EVI2B: variants seen among roughly 807,000 people sequenced by gnomAD.
The protein encoded by EVI2B is ecotropic viral integration site 2B, also known as protein EVI2B.
EVI2B carries 4 observed loss-of-function variants against 6.6 expected under a neutral mutation model. That is an observed-to-expected ratio of 0.61 (90% CI 0.30 to 1.39). The LOEUF (loss-of-function observed/expected upper bound fraction) is 1.39. EVI2B is among the 40% of genes most tolerant of loss of function. The probability of loss-of-function intolerance (pLI) is 0.08; values close to 1 mark genes in which losing one functional copy is unlikely to be tolerated. For missense variants in EVI2B, 484 were observed against 516.6 expected (o/e 0.94, Z 0.61); for synonymous variants, 181 against 186.8 (o/e 0.97, Z 0.25).
intron 1 of EVI2B, among the ~76,000 whole-genome samples, chr17:31,311,034 C>T (rs1400004771): frequency 6.6e-6 from 1 of 150,804 alleles, no homozygotes; most frequent in Non-Finnish European, 1.5e-5. Context: ...GCAGCCTCTG[C>T]CTCCTGGGCT....
chr17:31,312,380 G>A (rs1177908147), intron 1 of EVI2B, among the ~76,000 whole-genome samples: 1 of 151,834 alleles, frequency 6.6e-6, no homozygotes, highest in Non-Finnish European at 1.5e-5. Flanking sequence ...GCGTGGTGGT[G>A]GGTGCCTGTA....
At chr17:31,312,377 G>T (rs1476998869) in intron 1 of EVI2B, among the ~76,000 whole-genome samples, 1 of 152,000 alleles carries the variant, frequency 6.6e-6, no homozygotes, top group Non-Finnish European at 1.5e-5. Flanking sequence ...CAGGCGTGGT[G>T]GTGGGTGCCT....
intron 1 of EVI2B, among the ~76,000 whole-genome samples, chr17:31,308,278 C>G (rs889083524): frequency 1.9e-4 from 29 of 151,928 alleles, no homozygotes; most frequent in Non-Finnish European, 3.8e-4. Context: ...GCTGGGACTA[C>G]AGTAGGCATA....
intron 1 of EVI2B, among the ~76,000 whole-genome samples, chr17:31,312,235 C>T (rs557219991): frequency 9.2e-5 from 14 of 152,046 alleles, no homozygotes; most frequent in South Asian, 2.1e-4. Flanking sequence ...TGGGACCAGG[C>T]GCAGTGGTTC....
intron 1 of EVI2B, among the ~76,000 whole-genome samples, chr17:31,308,995 T>G (rs903873649): frequency 6.6e-6 from 1 of 152,250 alleles, no homozygotes; most frequent in African/African-American, 2.4e-5. Context: ...TGTGTTGTAC[T>G]ATCCCAGTTT....
Position 31,305,097 on chromosome 17 carries a change from T to C in EVI2B, c.513A>G (p.Thr171=), listed in dbSNP as rs781032191. ...TCCTAGGTGAATTTTTGACAGTTGA[T>C]GTTGGTTGTGTGGATGGATTATGAA... The part of the protein sequence containing the change: ...ITVHNPSTQP[T]STVKNSPRST... Residue 171 remains threonine, a synonymous_variant, in exon 2 of 2, where the codon ACA becomes ACG. Coordinates refer to ENST00000330927, the MANE Select transcript of EVI2B (RefSeq NM_006495.4). 3.1e-6 allele frequency: 5 copies of C among 1,614,046 alleles called. No individual in the cohort carries two copies. Among genetic ancestry groups the C allele is most frequent in the South Asian group, 1.1e-5 (1 of 91,084 alleles).
At position 31,304,318 on chromosome 17, in the gene EVI2B, T is replaced by C; in HGVS notation, c.1292A>G (p.Asn431Ser). Residue 431 changes from asparagine (N) to serine (S), a missense_variant, in exon 2 of 2, where the codon AAC becomes AGC. Transcript: ENST00000330927. ...IQCQEFSIPPNSDQDLNESLP... is the reference protein window; with the variant it reads ...IQCQEFSIPPSSDQDLNESLP... ...GGATTCATTAAGATCTTGATCAGAG[T>C]TGGGAGGAATAGAGAACTCCTGACA... The C allele has an allele frequency of 1.2e-6, 2 of 1,613,846 alleles. No individual in the cohort carries two copies. Among genetic ancestry groups the C allele is most frequent in the Non-Finnish European group, 1.7e-6 (2 of 1,179,906 alleles).
rs16972176 is a variant in EVI2B at position 31,305,646 on chromosome 17, A to C, written c.-21-16T>G. On this transcript the variant is annotated splice_polypyrimidine_tract_variant and intron_variant, in intron 1 of 1. Coordinates refer to ENST00000330927, the MANE Select transcript of EVI2B (RefSeq NM_006495.4). ...TCCTCGTTATCTATAGCGGGTTTATAATGAAAGAGAAAGACAGTTAGGCGT... is the reference window on the plus strand; with the variant it reads ...TCCTCGTTATCTATAGCGGGTTTATCATGAAAGAGAAAGACAGTTAGGCGT... The C allele has an allele frequency of 1.7e-3, 2,713 of 1,570,802 alleles. 41 individuals are homozygous for C. The African/African-American group carries it at 0.033, about 19-fold the overall frequency.
At chr17:31,310,985 C>G (rs1213848448) in intron 1 of EVI2B, among the ~76,000 whole-genome samples, 1 of 146,392 alleles carries the variant, frequency 6.8e-6, no homozygotes, top group Admixed American at 6.9e-5. Flanking sequence ...CTCACTCTGT[C>G]ACCCGGGTTG....
intron 1 of EVI2B, among the ~76,000 whole-genome samples, chr17:31,308,566 T>G (rs1459705536): frequency 2.0e-5 from 3 of 152,218 alleles, no homozygotes; most frequent in East Asian, 3.8e-4. Flanking sequence ...TTGCATACTT[T>G]CTAAACACAC....
intron 1 of EVI2B, among the ~76,000 whole-genome samples, chr17:31,305,831 C>G (rs2068705193): frequency 6.6e-6 from 1 of 152,150 alleles, no homozygotes; most frequent in Admixed American, 6.5e-5. Flanking sequence ...TATACTCTAA[C>G]CCATCATACA....
At chr17:31,313,249 T>C (rs2068927899) in intron 1 of EVI2B, among the ~76,000 whole-genome samples, 1 of 152,224 alleles carries the variant, frequency 6.6e-6, no homozygotes, top group African/African-American at 2.4e-5. Flanking sequence ...CATTATATTA[T>C]GTACAGGAAA....
Position 31,304,617 on chromosome 17 carries a change from A to G in EVI2B, c.993T>C (p.Ser331=). ...ADGSTVGTAV[S]SSDDADLPPP... ...GAGGCAGATCTGCATCATCTGAAGAAGAAACAGCAGTTCCAACTGTTGAAC... is the reference window on the plus strand; with the variant it reads ...GAGGCAGATCTGCATCATCTGAAGAGGAAACAGCAGTTCCAACTGTTGAAC... The change falls in exon 2 of 2, where the codon TCT becomes TCC. Residue 331 remains serine, a synonymous_variant. Coordinates refer to ENST00000330927, the MANE Select transcript of EVI2B (RefSeq NM_006495.4). 6.2e-7 allele frequency: 1 copy of G among 1,614,180 alleles called. No homozygotes were observed. The highest frequency in any genetic ancestry group is 8.5e-7 in the Non-Finnish European group (1 of 1,180,018).
chr17:31,312,264 C>T (rs764555382), intron 1 of EVI2B, among the ~76,000 whole-genome samples: 1 of 152,062 alleles, frequency 6.6e-6, no homozygotes, highest in Non-Finnish European at 1.5e-5. Context: ...AATCCCAGCA[C>T]TTTGGGAGGC....
chr17:31,313,723 TGTGTG>T (rs1412045325), intron 1 of EVI2B, among the ~76,000 whole-genome samples: 3 of 16,202 alleles, frequency 1.9e-4, no homozygotes, highest in Non-Finnish European at 4.7e-4. Context: ...AAAAAAAATA[TGTGTG>T]TGTGTGTGTG....
At chr17:31,305,697 C>T in intron 1 of EVI2B, 67 bp from the exon 2 acceptor site, 1 of 1,393,202 alleles carries the variant, frequency 7.2e-7, no homozygotes, top group Non-Finnish European at 9.7e-7. Flanking sequence ...AAAAATTTGA[C>T]TTTTCATTAT....
intron 1 of EVI2B, among the ~76,000 whole-genome samples, chr17:31,309,779 T>C (rs2068819693): frequency 6.6e-6 from 1 of 152,234 alleles, no homozygotes; most frequent in Non-Finnish European, 1.5e-5. Context: ...GATAGGCTCC[T>C]ATCCTCTACT....
chr17:31,305,558 T>G lies in EVI2B; in HGVS notation c.52A>C (p.Thr18Pro), dbSNP rs941071081. 6.2e-7 allele frequency: 1 copy of G among 1,614,188 alleles called. No homozygotes were observed. The highest frequency in any genetic ancestry group is 8.5e-7 in the Non-Finnish European group (1 of 1,180,024). The change falls in exon 2 of 2, where the codon ACA becomes CCA. Residue 18 changes from threonine to proline, a missense_variant. Transcript: ENST00000330927. ...LILFCGHLNNTFFSKTETITT... is the reference protein window; with the variant it reads ...LILFCGHLNNPFFSKTETITT... ...ATTGTCTCTGTCTTTGAAAAAAATG[T>G]ATTGTTCAGGTGTCCACAAAACAAA...
chr17:31,307,675 AT>A (rs2068760454), intron 1 of EVI2B, among the ~76,000 whole-genome samples: 2 of 152,180 alleles, frequency 1.3e-5, no homozygotes, highest in Non-Finnish European at 2.9e-5. Flanking sequence ...TACTGAGACA[AT>A]TTGCAACTTT....
Sources: allele counts gnomAD v4.1 joint callset (sites outside exome capture counted in the v4.1 genomes callset), GRCh38; gene constraint gnomAD v4.1.1; transcripts MANE v1.5; gene names NCBI Gene and HGNC (gene_info 2026-07-23, HGNC 2026-07-21).